PITPNC1: variants seen among roughly 807,000 people sequenced by gnomAD.
PITPNC1 encodes cytoplasmic phosphatidylinositol transfer protein 1.
Under a neutral mutation model 44.7 loss-of-function variants are expected in PITPNC1, and 18 were observed. That is an observed-to-expected ratio of 0.40 (90% CI 0.28 to 0.60). The LOEUF is 0.60. PITPNC1 is among the 20% of genes least tolerant of loss of function. The pLI is 0.39. For synonymous variants in PITPNC1, 141 were observed against 149.6 expected (o/e 0.94, Z 0.42); for missense variants, 290 against 418.4 (o/e 0.69, Z 2.68).
intron 1 of PITPNC1, among the ~76,000 whole-genome samples, chr17:67,387,723 A>G (rs578000708): frequency 4.6e-5 from 7 of 152,230 alleles, no homozygotes; most frequent in East Asian, 1.9e-4. Flanking sequence ...TATATCCTCT[A>G]TTATCTGCCT....
At chr17:67,511,115 T>C (rs1201608690) in intron 1 of PITPNC1, among the ~76,000 whole-genome samples, 1 of 152,196 alleles carries the variant, frequency 6.6e-6, no homozygotes, top group African/African-American at 2.4e-5. Context: ...TTTTGCAGCT[T>C]ACTTTCCTTC....
intron 1 of PITPNC1, among the ~76,000 whole-genome samples, chr17:67,412,867 T>G (rs916748719): frequency 6.6e-6 from 1 of 152,182 alleles, no homozygotes; most frequent in Non-Finnish European, 1.5e-5. Context: ...CGCCCGGCCT[T>G]CATATTTCTC....
At chr17:67,557,070 A>G (rs1185075848) in intron 4 of PITPNC1, among the ~76,000 whole-genome samples, 1 of 152,138 alleles carries the variant, frequency 6.6e-6, no homozygotes, top group Non-Finnish European at 1.5e-5. Context: ...AACACCACAG[A>G]CTTGGGGGCT....
intron 6 of PITPNC1, among the ~76,000 whole-genome samples, chr17:67,661,681 C>T (rs1447527110): frequency 3.9e-5 from 6 of 152,182 alleles, no homozygotes; most frequent in Non-Finnish European, 7.3e-5. Context: ...ACTCAAGAAA[C>T]GTGCTCAGGA....
chr17:67,525,858 T>C (rs2040385541), intron 1 of PITPNC1, among the ~76,000 whole-genome samples: 1 of 152,174 alleles, frequency 6.6e-6, no homozygotes, highest in Non-Finnish European at 1.5e-5. Flanking sequence ...ACATAGCCAG[T>C]GTGAGGCAGG....
At chr17:67,485,044 A>G (rs963340587) in intron 1 of PITPNC1, among the ~76,000 whole-genome samples, 19 of 152,258 alleles carry the variant, frequency 1.2e-4, no homozygotes, top group Admixed American at 1.2e-3. Flanking sequence ...ACAAATAGGG[A>G]AATGGAAAAC....
intron 1 of PITPNC1, among the ~76,000 whole-genome samples, chr17:67,431,046 T>C (rs1281581185): frequency 2.0e-5 from 3 of 147,658 alleles, no homozygotes; most frequent in African/African-American, 7.5e-5. Context: ...ATTTTTACTC[T>C]TTTTAGTTAC....
At chr17:67,378,564 T>C (rs2037906371) in intron 1 of PITPNC1, among the ~76,000 whole-genome samples, 2 of 151,940 alleles carry the variant, frequency 1.3e-5, no homozygotes, top group East Asian at 2.0e-4. Context: ...TTGGGGGGCA[T>C]CCCGTCCTGG....
intron 1 of PITPNC1, among the ~76,000 whole-genome samples, chr17:67,486,714 G>A (rs935388849): frequency 6.6e-6 from 1 of 152,180 alleles, no homozygotes; most frequent in Non-Finnish European, 1.5e-5. Context: ...ACTGAAAAGT[G>A]TCTATGCATT....
At position 67,523,806 on chromosome 17, in the gene PITPNC1, CGT is replaced by C. The variant is rs1491535723; in HGVS notation, c.49-8995_49-8994del. ...CACCAGCTCAGAAATACATGGAAAC[CGT>C]TTTTTTTTTTTTTTTTTTTTTTAAT... is the stretch of plus-strand genomic sequence containing the variant. On this transcript the variant is annotated intron_variant, in intron 1 of 8. Coordinates refer to ENST00000581322, the MANE Select transcript of PITPNC1 (RefSeq NM_012417.4). Among the ~76,000 whole-genome samples the C allele has an allele frequency of 2.3e-4, 29 of 127,588 alleles. 1 individual carries two copies. Among genetic ancestry groups the C allele is most frequent in the Middle Eastern group, 4.7e-3 (1 of 214 alleles). 83.7% of individuals were successfully genotyped at this position (127,588 alleles called of 152,430 possible).
At chr17:67,554,119 C>T in intron 4 of PITPNC1, among the ~76,000 whole-genome samples, 1 of 152,046 alleles carries the variant, frequency 6.6e-6, no homozygotes, top group Non-Finnish European at 1.5e-5. Context: ...CTCCTAAGAG[C>T]CTCTAGGGTT....
intron 6 of PITPNC1, among the ~76,000 whole-genome samples, chr17:67,668,792 G>T (rs2042463749): frequency 8.9e-6 from 1 of 112,836 alleles, no homozygotes; most frequent in African/African-American, 2.8e-5. Flanking sequence ...AACCCGGGAG[G>T]TGGAGCTTGC....
intron 1 of PITPNC1, among the ~76,000 whole-genome samples, chr17:67,466,805 C>T (rs2039434324): frequency 6.6e-6 from 1 of 152,078 alleles, no homozygotes; most frequent in Non-Finnish European, 1.5e-5. Context: ...ATGATGATTG[C>T]CTTGATCCTC....
At chr17:67,458,757 AT>A (rs202151305) in intron 1 of PITPNC1, among the ~76,000 whole-genome samples, 20 of 151,658 alleles carry the variant, frequency 1.3e-4, no homozygotes, top group Admixed American at 1.3e-3. Context: ...AGTGGGGGTT[AT>A]TTTTTTTCCG....
At chr17:67,505,774 C>T (rs1377958245) in intron 1 of PITPNC1, among the ~76,000 whole-genome samples, 1 of 152,146 alleles carries the variant, frequency 6.6e-6, no homozygotes, top group Non-Finnish European at 1.5e-5. Flanking sequence ...CGCGCCCAGC[C>T]CAAGTTGTTT....
At chr17:67,412,418 A>G (rs1376557681) in intron 1 of PITPNC1, among the ~76,000 whole-genome samples, 1 of 152,178 alleles carries the variant, frequency 6.6e-6, no homozygotes, top group Non-Finnish European at 1.5e-5. Context: ...AGACTAGGTT[A>G]AAATCTCAAA....
Position 67,632,190 on chromosome 17 carries a change from T to C in PITPNC1, c.414T>C (p.Ile138=). The change falls in exon 6 of 9, where the codon ATT becomes ATC. Residue 138 remains isoleucine, a synonymous_variant. Transcript: ENST00000581322. ...ACGTGGAGAGAGAAGTTTGCTTTATTGATATTGCCTGCGATGAAATTCCAG... is the reference window on the plus strand; with the variant it reads ...ACGTGGAGAGAGAAGTTTGCTTTATCGATATTGCCTGCGATGAAATTCCAG... ...AKDVEREVCF[I]DIACDEIPER... is the part of the protein sequence containing the mutation. 1 of 1,613,122 alleles carries C rather than the reference T, an allele frequency of 6.2e-7. No homozygotes were observed. The highest frequency in any genetic ancestry group is 8.5e-7 in the Non-Finnish European group (1 of 1,179,152).
At chr17:67,410,867 A>G (rs2038484719) in intron 1 of PITPNC1, among the ~76,000 whole-genome samples, 1 of 151,638 alleles carries the variant, frequency 6.6e-6, no homozygotes, top group Admixed American at 6.6e-5. Context: ...GGTGGATCAC[A>G]AGGTCAGGAG....
At chr17:67,451,169 C>T (rs527291286) in intron 1 of PITPNC1, among the ~76,000 whole-genome samples, 33 of 152,126 alleles carry the variant, frequency 2.2e-4, no homozygotes, top group Non-Finnish European at 4.0e-4. Context: ...GTAGCTGGGA[C>T]TACACGCGCG....
Sources: gnomAD v4.1 joint callset for allele counts (sites outside exome capture counted in the v4.1 genomes callset) on GRCh38, gnomAD v4.1.1 for gene constraint, MANE v1.5 for transcripts, NCBI Gene and HGNC (gene_info 2026-07-23, HGNC 2026-07-21) for gene names.